Variants in XYLT1 observed in about 807,000 individuals in gnomAD.
The protein encoded by XYLT1 is beta-D-xylosyltransferase 1.
Under a neutral mutation model 91.3 loss-of-function variants are expected in XYLT1, and 36 were observed. The ratio of observed to expected loss-of-function variants is 0.39; its 90% confidence interval spans 0.30 to 0.52. The LOEUF is 0.52. XYLT1 is among the 20% of genes least tolerant of loss of function. The probability of loss-of-function intolerance (pLI) is 0.68; values close to 1 mark genes in which losing one functional copy is unlikely to be tolerated. For missense variants in XYLT1, 1,242 were observed against 1,284.5 expected (o/e 0.97, Z 0.51); for synonymous variants, 588 against 532.0 (o/e 1.11, Z -1.45).
intron 1 of XYLT1, among the ~76,000 whole-genome samples, chr16:17,389,622 A>G (rs1248868501): frequency 6.6e-6 from 1 of 152,174 alleles, no homozygotes; most frequent in African/African-American, 2.4e-5. Flanking sequence ...TTTTTACATC[A>G]TCTTCTCTTA....
chr16:17,407,740 C>T (rs1254461552), intron 1 of XYLT1, among the ~76,000 whole-genome samples: 5 of 152,236 alleles, frequency 3.3e-5, no homozygotes, highest in Non-Finnish European at 7.3e-5. Flanking sequence ...TGGCTATGTG[C>T]CCCTGAGCAA....
At chr16:17,439,632 T>C (rs551966336) in intron 1 of XYLT1, among the ~76,000 whole-genome samples, 62 of 152,350 alleles carry the variant, frequency 4.1e-4, no homozygotes, top group African/African-American at 1.5e-3. Context: ...ATGGTACTGT[T>C]GTAATCCGGC....
chr16:17,388,212 T>G (rs1004365891), intron 1 of XYLT1, among the ~76,000 whole-genome samples: 2 of 152,196 alleles, frequency 1.3e-5, no homozygotes, highest in African/African-American at 4.8e-5. Flanking sequence ...CATGACAGGA[T>G]GCTAAAACAC....
chr16:17,237,604 TGA>T (rs2033269017), intron 3 of XYLT1, among the ~76,000 whole-genome samples: 2 of 152,242 alleles, frequency 1.3e-5, no homozygotes, highest in African/African-American at 4.8e-5. Flanking sequence ...TCTTCCTTCC[TGA>T]GAGACGCAGC....
intron 1 of XYLT1, among the ~76,000 whole-genome samples, chr16:17,412,650 C>G (rs900616398): frequency 1.3e-5 from 2 of 152,004 alleles, no homozygotes; most frequent in African/African-American, 4.8e-5. Context: ...AGTTCTTTTC[C>G]TGATTTCCCA....
At chr16:17,139,971 C>T (rs1366548641) in intron 7 of XYLT1, among the ~76,000 whole-genome samples, 2 of 152,156 alleles carry the variant, frequency 1.3e-5, no homozygotes, top group Non-Finnish European at 2.9e-5. Context: ...ACACACATAA[C>T]CTATGTGGTC....
chr16:17,218,453 C>T (rs1333233623), intron 3 of XYLT1, among the ~76,000 whole-genome samples: 1 of 151,586 alleles, frequency 6.6e-6, no homozygotes, highest in Non-Finnish European at 1.5e-5. Context: ...TAATTCAGGG[C>T]CACTGGGTAT....
At chr16:17,357,148 G>A (rs1429202992) in intron 2 of XYLT1, among the ~76,000 whole-genome samples, 1 of 126,334 alleles carries the variant, frequency 7.9e-6, no homozygotes, top group East Asian at 2.4e-4. Context: ...CTGCACTCCA[G>A]CCTGGGCAAC....
chr16:17,390,866 G>A (rs916564498), intron 1 of XYLT1, among the ~76,000 whole-genome samples: 7 of 151,980 alleles, frequency 4.6e-5, no homozygotes, highest in Non-Finnish European at 8.8e-5. Flanking sequence ...CGAAACTCCC[G>A]TCTCTACTAA....
At chr16:17,283,677 G>A (rs1190800459) in intron 2 of XYLT1, among the ~76,000 whole-genome samples, 5 of 152,174 alleles carry the variant, frequency 3.3e-5, no homozygotes, top group Non-Finnish European at 7.3e-5. Context: ...TGCTCCTTGG[G>A]ACTTCCAACG....
At chr16:17,172,016 C>T (rs2031830725) in intron 5 of XYLT1, among the ~76,000 whole-genome samples, 1 of 152,174 alleles carries the variant, frequency 6.6e-6, no homozygotes, top group Non-Finnish European at 1.5e-5. Flanking sequence ...GCACTGTTGC[C>T]TTTATAATAA....
rs1303704812 is a variant in XYLT1, at chr16:17,470,752, G to C, written c.45C>G (p.His15Gln). The C allele has an allele frequency of 6.3e-6, 7 of 1,103,456 alleles. No homozygotes were observed. The South Asian group carries it at 8.8e-5, about 14-fold the overall frequency. 68.4% of individuals were successfully genotyped at this position (1,103,456 alleles called of 1,614,324 possible). The change falls in exon 1 of 12, where the codon CAC becomes CAG. Residue 15 changes from histidine (H) to glutamine (Q), a missense_variant. By Grantham distance (24) the His-to-Gln change is conservative (BLOSUM62 0). Transcript: ENST00000261381. Reference protein sequence around the residue: ...PCARRLARRSHSALLAALTVL... With the variant: ...PCARRLARRSQSALLAALTVL... The stretch of plus-strand genomic sequence containing the variant: ...CCGTGAGCGCCGCGAGCAGCGCCGA[G>C]TGCGAGCGCCGGGCCAGCCTCCGGG...
rs530645946 is a variant in XYLT1 at position 17,391,363 on chromosome 16, C to A, written c.364-33313G>T. On this transcript the variant is annotated intron_variant, in intron 1 of 11. Coordinates refer to ENST00000261381, the MANE Select transcript of XYLT1 (RefSeq NM_022166.4). The stretch of plus-strand genomic sequence containing the variant: ...CCCCTGTGATTGCATCCCCAACCAA[C>A]CAGCAGCACCCATAACTTTGTCCGC... Among the ~76,000 whole-genome samples, 72 of 152,272 alleles carry A rather than the reference C, an allele frequency of 4.7e-4. 2 individuals carry two copies. The South Asian group carries it at 0.014, about 29-fold the overall frequency.
intron 3 of XYLT1, among the ~76,000 whole-genome samples, chr16:17,237,850 G>T (rs1221661906): frequency 6.6e-6 from 1 of 151,372 alleles, no homozygotes; most frequent in African/African-American, 2.4e-5. Context: ...TCAGTAGCAG[G>T]CTGGTAAGTG....
intron 3 of XYLT1, among the ~76,000 whole-genome samples, chr16:17,200,946 G>T (rs1314780948): frequency 6.6e-6 from 1 of 152,206 alleles, no homozygotes; most frequent in Non-Finnish European, 1.5e-5. Context: ...AAGGCAGGAG[G>T]AGGTGAGAGC....
At chr16:17,427,862 C>T (rs1232139149) in intron 1 of XYLT1, among the ~76,000 whole-genome samples, 3 of 151,686 alleles carry the variant, frequency 2.0e-5, no homozygotes, top group African/African-American at 7.3e-5. Context: ...CTGTCTACCA[C>T]CTCAAATCAT....
intron 5 of XYLT1, among the ~76,000 whole-genome samples, chr16:17,184,299 G>A (rs2032135204): frequency 6.6e-6 from 1 of 151,176 alleles, no homozygotes; most frequent in Non-Finnish European, 1.5e-5. Context: ...CTGCCAAGAG[G>A]AAGGAGAATT....
intron 10 of XYLT1, 147 bp downstream of exon 10, chr16:17,127,519 C>G: frequency 1.0e-6 from 1 of 984,712 alleles, no homozygotes; most frequent in Non-Finnish European, 1.5e-6. Context: ...GCCGGAGAAC[C>G]TTCTTCGGGC....
chr16:17,177,239 T>C (rs924561476), intron 5 of XYLT1, among the ~76,000 whole-genome samples: 1 of 152,144 alleles, frequency 6.6e-6, no homozygotes, highest in Non-Finnish European at 1.5e-5. Context: ...CTGCTGCCCA[T>C]CTCCTTCTTA....
Sources: allele counts gnomAD v4.1 joint callset (sites outside exome capture counted in the v4.1 genomes callset), GRCh38; gene constraint gnomAD v4.1.1; transcripts MANE v1.5; gene names NCBI Gene and HGNC (gene_info 2026-07-23, HGNC 2026-07-21).